Variants in RARB observed in about 807,000 individuals in gnomAD.
The protein encoded by RARB is retinoic acid receptor beta.
A neutral mutation model predicts 51.9 loss-of-function variants in RARB; 17 were observed. The ratio of observed to expected loss-of-function variants is 0.33; its 90% CI spans 0.22 to 0.49. The LOEUF (loss-of-function observed/expected upper bound fraction) is 0.49, where lower values mean the gene tolerates loss of function less well. Ranked by LOEUF, RARB falls within the 20% of genes least tolerant of loss-of-function variation. RARB has a pLI of 0.99. For synonymous variants in RARB, 215 were observed against 195.4 expected, an observed-to-expected ratio of 1.10 and a Z score of -0.84; for missense variants, 369 against 550.8, an observed-to-expected ratio of 0.67 and a Z score of 3.30.
intron 3 of RARB, among the ~76,000 whole-genome samples, chr3:25,067,235 G>T (rs1174337271): frequency 6.6e-6 from 1 of 152,182 alleles, no homozygotes; most frequent in Admixed American, 6.5e-5. Flanking sequence ...GGATGATACT[G>T]CCCGAGAGAG....
chr3:25,141,080 G>C (rs1367126697), intron 4 of RARB, among the ~76,000 whole-genome samples: 9 of 151,810 alleles, frequency 5.9e-5, no homozygotes, highest in Non-Finnish European at 1.2e-4. Context: ...CAGTGGTCTG[G>C]AACTAAACAT....
chr3:24,937,777 T>A (rs1320240013), intron 2 of RARB, among the ~76,000 whole-genome samples: 1 of 152,046 alleles, frequency 6.6e-6, no homozygotes, highest in East Asian at 1.9e-4. Context: ...CCACAGATAT[T>A]GTTTGGCATG....
At chr3:25,325,568 G>GT (rs113613926) in intron 5 of RARB, among the ~76,000 whole-genome samples, 18 of 140,422 alleles carry the variant, frequency 1.3e-4, no homozygotes, top group Admixed American at 2.1e-4. Flanking sequence ...TTTTGTGGGG[G>GT]TTTTTTTTTT....
chr3:25,190,299 C>A (rs1701071608), intron 5 of RARB, among the ~76,000 whole-genome samples: 1 of 151,992 alleles, frequency 6.6e-6, no homozygotes, highest in African/African-American at 2.4e-5. Flanking sequence ...GGCCCATACC[C>A]CAGGCAGATA....
At chr3:24,950,971 G>T (rs1321433493) in intron 2 of RARB, among the ~76,000 whole-genome samples, 1 of 152,008 alleles carries the variant, frequency 6.6e-6, no homozygotes, top group Non-Finnish European at 1.5e-5. Context: ...GGGTTTTTCT[G>T]TGTGTCACCA....
At chr3:25,456,682 T>TATATATATATATAG (rs1491372969) in intron 1 of RARB, among the ~76,000 whole-genome samples, 1 of 88,360 alleles carries the variant, frequency 1.1e-5, no homozygotes, top group East Asian at 3.7e-4. Context: ...TATATATATA[T>TATATATATATATAG]AGAGAGAGAG....
At chr3:25,549,432 C>T (rs1699750063) in intron 3 of RARB, among the ~76,000 whole-genome samples, 1 of 152,038 alleles carries the variant, frequency 6.6e-6, no homozygotes, top group African/African-American at 2.4e-5. Context: ...GATTCAGACT[C>T]GGCCAAATTG....
chr3:25,252,350 T>TA (rs1390294696), intron 5 of RARB, among the ~76,000 whole-genome samples: 31 of 152,174 alleles, frequency 2.0e-4, no homozygotes, highest in Admixed American at 1.8e-3. Flanking sequence ...CAATTATATA[T>TA]AAATTTTAGG....
Position 25,537,031 on chromosome 3 carries a change from G to A in RARB, c.449-32727G>A, listed in dbSNP as rs148145547. ...CAAAGACTTCCCCTGGGGAGCACCC[G>A]GATCAAAAAGCTGACTCCGGGGCCT... On this transcript the variant is annotated intron_variant, in intron 3 of 7. Coordinates refer to ENST00000330688, the MANE Select transcript of RARB (RefSeq NM_000965.5). Among the ~76,000 whole-genome samples, 8 of 152,330 alleles carry A rather than the reference G, an allele frequency of 5.3e-5. No individual in the cohort carries two copies. In the East Asian group the frequency reaches 1.2e-3, roughly 22 times the overall value.
chr3:24,956,015 T>A (rs1335478653), intron 2 of RARB, among the ~76,000 whole-genome samples: 1 of 152,196 alleles, frequency 6.6e-6, no homozygotes, highest in Admixed American at 6.5e-5. Context: ...GCACTCAGGC[T>A]GTCTTCGTCA....
chr3:24,979,228 G>A (rs1483256612), intron 2 of RARB, among the ~76,000 whole-genome samples: 2 of 152,184 alleles, frequency 1.3e-5, no homozygotes, highest in Non-Finnish European at 2.9e-5. Flanking sequence ...TGTATATTCT[G>A]TTGATTTGGG....
At chr3:24,829,440 T>C (rs1702250479) in intron 1 of RARB, among the ~76,000 whole-genome samples, 1 of 152,104 alleles carries the variant, frequency 6.6e-6, no homozygotes, top group Admixed American at 6.5e-5. Context: ...GTCTTCCTGT[T>C]GGGTGGCTGC....
chr3:25,241,381 G>A (rs1455216723), intron 5 of RARB, among the ~76,000 whole-genome samples: 1 of 151,998 alleles, frequency 6.6e-6, no homozygotes, highest in East Asian at 1.9e-4. Context: ...TGTTACGTAG[G>A]TATACATGGA....
intron 2 of RARB, among the ~76,000 whole-genome samples, chr3:25,041,834 G>C (rs1387203977): frequency 6.6e-6 from 1 of 152,078 alleles, no homozygotes; most frequent in Non-Finnish European, 1.5e-5. Flanking sequence ...ATGAAATTCT[G>C]AATTTTATTA....
Position 25,387,851 on chromosome 3 carries a change from C to T in RARB, c.179-73342C>T, listed in dbSNP as rs561281748. Among the ~76,000 whole-genome samples, 7 of 152,012 alleles carry T rather than the reference C, an allele frequency of 4.6e-5. No individual in the cohort carries two copies. In the East Asian group the frequency reaches 9.7e-4, roughly 21 times the overall value. ...AAATGATGGCAAGGCTCAGAAATATCCCAGCTTTATCCTTAGGGAATAGAA... is the reference window on the plus strand; with the variant it reads ...AAATGATGGCAAGGCTCAGAAATATTCCAGCTTTATCCTTAGGGAATAGAA... On this transcript the variant is annotated intron_variant, in intron 5 of 11. Coordinates refer to the RARB transcript ENST00000383772.
chr3:25,330,854 A>G (rs1466603960), intron 5 of RARB, among the ~76,000 whole-genome samples: 1 of 152,192 alleles, frequency 6.6e-6, no homozygotes, highest in African/African-American at 2.4e-5. Flanking sequence ...AAAACAAACA[A>G]AAAAAGCAGG....
Position 25,244,272 on chromosome 3 carries a change from ATT to A in RARB, c.178+69711_178+69712del, listed in dbSNP as rs200215353. ...AATAAACCAGCTCCTGAATTCATTG[ATT>A]TTTTTTTTTTTTTGAAGAGTTTGTG... On this transcript the variant is annotated intron_variant, in intron 5 of 11. Coordinates refer to the RARB transcript ENST00000383772. Among the ~76,000 whole-genome samples the A allele has an allele frequency of 6.1e-4, 81 of 133,250 alleles. 1 individual carries two copies. In the South Asian group the frequency reaches 6.8e-3, roughly 11 times the overall value. 87.4% of individuals were successfully genotyped at this position (133,250 alleles called of 152,430 possible). A position where few individuals can be genotyped will look rare whatever the true frequency, so the allele number is the denominator to read the frequency against.
intron 4 of RARB, 104 bp from the exon 5 acceptor site, chr3:25,580,442 C>A: frequency 8.7e-7 from 1 of 1,143,190 alleles, no homozygotes; most frequent in Non-Finnish European, 1.2e-6. Context: ...CCTGCCTGCT[C>A]AAGGCTGACA....
At chr3:25,331,323 G>C (rs531007686) in intron 5 of RARB, among the ~76,000 whole-genome samples, 1 of 152,184 alleles carries the variant, frequency 6.6e-6, no homozygotes, top group Non-Finnish European at 1.5e-5. Flanking sequence ...ATAACAGACT[G>C]TCTCTCAGAC....
Sources: allele counts gnomAD v4.1 joint callset (sites outside exome capture counted in the v4.1 genomes callset), GRCh38; gene constraint gnomAD v4.1.1; transcripts MANE v1.5; gene names NCBI Gene and HGNC (gene_info 2026-07-23, HGNC 2026-07-21).